Variants in LSP1 observed in about 807,000 individuals in gnomAD.
The protein encoded by LSP1 is lymphocyte-specific protein 1.
A neutral mutation model predicts 49.3 loss-of-function variants in LSP1; 32 were observed. The ratio of observed to expected loss-of-function variants is 0.65; its 90% CI spans 0.49 to 0.87. The LOEUF is 0.87. Ranked by LOEUF, LSP1 falls within the 40% of genes least tolerant of loss-of-function variation. The pLI is 0.00. For synonymous variants in LSP1, 179 were observed against 178.8 expected (o/e 1.00, Z -0.01); for missense variants, 428 against 442.6 (o/e 0.97, Z 0.30).
chr11:1,861,695 G>GTGGATGGA (rs58820256), intron 1 of LSP1, among the ~76,000 whole-genome samples: 10 of 122,170 alleles, frequency 8.2e-5, no homozygotes, highest in East Asian at 5.3e-4. Flanking sequence ...GGATGGGTGG[G>GTGGATGGA]TGGATGGATG....
intron 1 of LSP1, among the ~76,000 whole-genome samples, chr11:1,859,810 C>G (rs1245645002): frequency 1.3e-5 from 2 of 151,842 alleles, no homozygotes; most frequent in South Asian, 4.2e-4. Context: ...GAGGGCCACA[C>G]TGAACAGATG....
chr11:1,877,775 C>G (rs1236277721), intron 1 of LSP1, among the ~76,000 whole-genome samples: 1 of 152,150 alleles, frequency 6.6e-6, no homozygotes, highest in Non-Finnish European at 1.5e-5. Context: ...AGCGTGGGCT[C>G]GTGGAGAACG....
rs1280550020 is a variant in LSP1 at position 1,891,762 on chromosome 11, C to G, written c.*14-11C>G. 6.6e-6 allele frequency: 1 copy of G among 152,606 alleles called. No homozygotes were observed. Among genetic ancestry groups the G allele is most frequent in the Non-Finnish European group, 1.5e-5 (1 of 68,264 alleles). 9.5% of individuals were successfully genotyped at this position (152,606 alleles called of 1,614,324 possible). On this transcript the variant is annotated splice_polypyrimidine_tract_variant and intron_variant, in intron 10 of 10. Transcript: ENST00000311604. Reference sequence around the variant, plus strand: ...GCCTAATGCCCCCTGCACCCCATGCCTATGTTCCAGCTTCCTGGGTCTGCA... The same window carrying G: ...GCCTAATGCCCCCTGCACCCCATGCGTATGTTCCAGCTTCCTGGGTCTGCA...
intron 1 of LSP1, among the ~76,000 whole-genome samples, chr11:1,877,079 C>T (rs1057261942): frequency 2.6e-5 from 4 of 152,198 alleles, no homozygotes; most frequent in Non-Finnish European, 4.4e-5. Context: ...GCCAGGGCCA[C>T]GGGCGGGGTC....
At chr11:1,866,884 G>A in intron 1 of LSP1, 1 of 1,531,350 alleles carries the variant, frequency 6.5e-7, no homozygotes, top group South Asian at 1.2e-5. Flanking sequence ...CATCCGTCCA[G>A]CGGGCCCAGC....
intron 1 of LSP1, among the ~76,000 whole-genome samples, chr11:1,873,293 G>A (rs1277620327): frequency 6.6e-6 from 1 of 152,024 alleles, no homozygotes; most frequent in East Asian, 1.9e-4. Context: ...CCTGCCCACT[G>A]CGGCGACCCC....
chr11:1,884,233 C>T lies in LSP1; in HGVS notation c.592-47C>T, dbSNP rs373824256. On this transcript the variant is annotated intron_variant, in intron 5 of 10. Transcript: ENST00000311604. The surrounding 1 kb of genome is among the most constrained non-coding windows in gnomAD (Gnocchi z 4.1). ...AGTAGCTGGGGAGATGGAGGGTGGG[C>T]TTTACCTCGGCTGCTGCAGGCCTGT... is the stretch of plus-strand genomic sequence containing the variant. 2.4e-5 allele frequency: 39 copies of T among 1,609,856 alleles called. No homozygotes were observed. The highest frequency in any genetic ancestry group is 1.7e-4 in the Middle Eastern group (1 of 6,050).
chr11:1,876,462 C>T (rs1848314446), intron 1 of LSP1: 1 of 985,626 alleles, frequency 1.0e-6, no homozygotes, highest in Non-Finnish European at 1.2e-6. Context: ...TCCCCGCAGC[C>T]CTTGCTCTTC....
Position 1,886,747 on chromosome 11 carries a change from C to T in LSP1, c.733C>T (p.Pro245Ser), listed in dbSNP as rs1337630668. ...TQAIETAGRT[P>S]KLARQASIEL... ...TCCTCTGCAGACCGCTGGCCGGACC[C>T]CCAAGCTAGCCCGCCAGGCCTCCAT... Residue 245 changes from proline (P) to serine (S), a missense_variant, in exon 8 of 11, where the codon CCC becomes TCC. Coordinates refer to ENST00000311604, the MANE Select transcript of LSP1 (RefSeq NM_002339.3). 6.2e-7 allele frequency: 1 copy of T among 1,610,796 alleles called. No individual in the cohort carries two copies.
At chr11:1,886,105 C>A (rs1400190260) in intron 7 of LSP1, among the ~76,000 whole-genome samples, 1 of 151,218 alleles carries the variant, frequency 6.6e-6, no homozygotes, top group Non-Finnish European at 1.5e-5. Flanking sequence ...CTCCTTCATT[C>A]ATTCACTGCT....
chr11:1,854,303 G>A (rs1233163610), intron 1 of LSP1, among the ~76,000 whole-genome samples: 1 of 152,112 alleles, frequency 6.6e-6, no homozygotes, highest in Non-Finnish European at 1.5e-5. Flanking sequence ...GAGGCCCAGG[G>A]TGACGCTCAC....
rs1406995107 is a variant in LSP1, at chr11:1,874,033, CGGCAGAGGAGGGAGGCT to C, written c.54-6046_54-6030del. Among the ~76,000 whole-genome samples the C allele has an allele frequency of 2.4e-4, 27 of 114,884 alleles. 3 individuals carry two copies. Among genetic ancestry groups the C allele is most frequent in the African/African-American group, 4.8e-4 (13 of 27,346 alleles). 75.4% of individuals were successfully genotyped at this position (114,884 alleles called of 152,430 possible). ...AGGGAGGCCGGCAGAGGAGGGAGGCCGGCAGAGGAGGGAGGCTGGCAGAGCAGGGAGGCCGGCAGAGG... is the reference window on the plus strand; with the variant it reads ...AGGGAGGCCGGCAGAGGAGGGAGGCCGGCAGAGCAGGGAGGCCGGCAGAGG... On this transcript the variant is annotated intron_variant, in intron 1 of 10. Coordinates refer to ENST00000311604, the MANE Select transcript of LSP1 (RefSeq NM_002339.3).
Position 1,864,090 on chromosome 11 carries a change from G to A in LSP1, c.53+10893G>A, listed in dbSNP as rs1347666685. 2.6e-5 allele frequency: 18 copies of A among 694,152 alleles called. No homozygotes were observed. The South Asian group carries it at 8.5e-4, about 33-fold the overall frequency. The allele number at this position is 694,152 out of a possible 1,614,324, so 43.0% of individuals were successfully genotyped here. A position where few individuals can be genotyped will look rare whatever the true frequency, so the allele number is the denominator to read the frequency against. Reference sequence around the variant, plus strand: ...GAGGAAGGGAGGGGAGGGGAAGGGAGGGAGGAGGGAAGGAGGGAGGGAGAC... The same window carrying A: ...GAGGAAGGGAGGGGAGGGGAAGGGAAGGAGGAGGGAAGGAGGGAGGGAGAC... On this transcript the variant is annotated intron_variant, in intron 1 of 10. Transcript: ENST00000311604.
At chr11:1,878,543 G>C (rs983318734) in intron 1 of LSP1, among the ~76,000 whole-genome samples, 1 of 152,074 alleles carries the variant, frequency 6.6e-6, no homozygotes, top group African/African-American at 2.4e-5. Flanking sequence ...GGCTTCGGTG[G>C]GGGGAGTGGG....
At chr11:1,888,680 C>G (rs555408062) in intron 10 of LSP1, 1 of 155,238 alleles carries the variant, frequency 6.4e-6, no homozygotes, top group Non-Finnish European at 1.4e-5. Flanking sequence ...CTGCTCCTGA[C>G]GCCGATGGCC....
At chr11:1,888,002 C>G (rs1177390235) in intron 10 of LSP1, among the ~76,000 whole-genome samples, 2 of 152,154 alleles carry the variant, frequency 1.3e-5, no homozygotes, top group African/African-American at 2.4e-5. Flanking sequence ...GGTCCTACTC[C>G]CTGTCCCAGC....
intron 1 of LSP1, among the ~76,000 whole-genome samples, chr11:1,853,894 G>C (rs7122680): frequency 0.4 from 61,512 of 152,090 alleles, 13,707 homozygotes; most frequent in African/African-American, 0.6. Flanking sequence ...CTAGCGGGCA[G>C]CTGTACTCTG....
chr11:1,865,348 C>A, intron 1 of LSP1: 2 of 575,942 alleles, frequency 3.5e-6, no homozygotes, highest in Non-Finnish European at 4.4e-6. Context: ...CACTGGGCCT[C>A]CCCCCAGCTT....
Position 1,880,090 on chromosome 11 carries a change from C to G in LSP1, c.57C>G (p.Pro19=). Residue 19 remains proline, a synonymous_variant, in exon 2 of 11, where the codon CCC becomes CCG. Coordinates refer to ENST00000311604, the MANE Select transcript of LSP1 (RefSeq NM_002339.3). ...GTCCCTCTGTGTCCCCCACTAGGCC[C>G]ACTGCTCAGTGGAGCGTGGAGGACG... ...GAEEREELLG[P]TAQWSVEDEE... 6.2e-7 allele frequency: 1 copy of G among 1,609,030 alleles called. No homozygotes were observed. The highest frequency in any genetic ancestry group is 8.5e-7 in the Non-Finnish European group (1 of 1,177,590).
Sources: gnomAD v4.1 joint callset for allele counts (sites outside exome capture counted in the v4.1 genomes callset) on GRCh38, gnomAD v4.1.1 for gene constraint, Gnocchi (gnomAD v3.1) non-coding constraint, MANE v1.5 for transcripts, NCBI Gene and HGNC (gene_info 2026-07-23, HGNC 2026-07-21) for gene names.